The following GNAQ variants were observed in gnomAD, a reference collection of about 807,000 sequenced individuals.
GNAQ encodes the protein G protein subunit alpha q.
A neutral mutation model predicts 43.9 loss-of-function variants in GNAQ; 8 were observed. The observed-to-expected ratio is 0.18, with a 90% CI of 0.11 to 0.33. The LOEUF is 0.33. Among genes scored for constraint, GNAQ ranks in the 10% least tolerant of loss-of-function variants. The probability of loss-of-function intolerance (pLI) is 1.00; values close to 1 mark genes in which losing one functional copy is unlikely to be tolerated. For synonymous variants in GNAQ, 155 were observed against 170.7 expected (o/e 0.91, Z 0.71); for missense variants, 158 against 450.8 (o/e 0.35, Z 5.88).
At chr9:77,836,690 T>C (rs554302255) in intron 2 of GNAQ, among the ~76,000 whole-genome samples, 27 of 152,284 alleles carry the variant, frequency 1.8e-4, no homozygotes, top group African/African-American at 5.3e-4. Flanking sequence ...GAGAAAAGAA[T>C]AGTACTAAAT....
chr9:77,724,294 G>A (rs573050212), intron 6 of GNAQ, among the ~76,000 whole-genome samples: 34 of 152,106 alleles, frequency 2.2e-4, no homozygotes, highest in African/African-American at 7.5e-4. Context: ...GGGTTCAAGC[G>A]AAATCTCCTG....
chr9:77,871,507 A>C (rs1340008461), intron 2 of GNAQ, among the ~76,000 whole-genome samples: 2 of 152,166 alleles, frequency 1.3e-5, no homozygotes, highest in African/African-American at 2.4e-5. Context: ...TTAGGGGTAG[A>C]AAGGTGGGAT....
At chr9:77,988,838 T>C (rs896962216) in intron 1 of GNAQ, among the ~76,000 whole-genome samples, 43 of 152,222 alleles carry the variant, frequency 2.8e-4, no homozygotes, top group African/African-American at 7.7e-4. Context: ...GGGGACTTTT[T>C]TGAAAGCTAA....
At chr9:77,798,236 T>C (rs575104991) in intron 3 of GNAQ, among the ~76,000 whole-genome samples, 1 of 152,266 alleles carries the variant, frequency 6.6e-6, no homozygotes, top group East Asian at 1.9e-4. Flanking sequence ...GGTCAGATAT[T>C]CCCAATGTTT....
At chr9:77,984,567 T>C (rs1210479452) in intron 1 of GNAQ, among the ~76,000 whole-genome samples, 1 of 152,292 alleles carries the variant, frequency 6.6e-6, no homozygotes, top group Non-Finnish European at 1.5e-5. Context: ...ATTCGCATAA[T>C]TTTTGGTTTC....
intron 5 of GNAQ, among the ~76,000 whole-genome samples, chr9:77,784,583 A>G (rs1479354991): frequency 6.6e-6 from 1 of 152,232 alleles, no homozygotes; most frequent in Non-Finnish European, 1.5e-5. Flanking sequence ...ATAAAATATA[A>G]ATGTTATACA....
intron 1 of GNAQ, among the ~76,000 whole-genome samples, chr9:77,950,177 TA>T (rs2118377729): frequency 6.6e-6 from 1 of 152,348 alleles, no homozygotes; most frequent in East Asian, 1.9e-4. Context: ...ATGATTCCAT[TA>T]AGCTCATATT....
chr9:77,987,942 G>A (rs1823462697), intron 1 of GNAQ, among the ~76,000 whole-genome samples: 2 of 152,180 alleles, frequency 1.3e-5, no homozygotes, highest in South Asian at 2.1e-4. Context: ...AGTAGGGGGT[G>A]GTGTTGTGGT....
chr9:77,777,741 T>C (rs966413115), intron 5 of GNAQ, among the ~76,000 whole-genome samples: 49 of 151,870 alleles, frequency 3.2e-4, no homozygotes, highest in African/African-American at 1.2e-3. Flanking sequence ...CCATTAGCCT[T>C]TAGGGAAATA....
intron 3 of GNAQ, among the ~76,000 whole-genome samples, chr9:77,805,304 C>G (rs189361102): frequency 6.6e-6 from 1 of 152,264 alleles, no homozygotes; most frequent in East Asian, 1.9e-4. Context: ...TTGCAGAGAG[C>G]AAATCAACTT....
At chr9:77,763,141 C>CAAACAAACA (rs1462515368) in intron 5 of GNAQ, among the ~76,000 whole-genome samples, 16 of 64,838 alleles carry the variant, frequency 2.5e-4, no homozygotes, top group African/African-American at 4.9e-4. Context: ...AACAAACAAA[C>CAAACAAACA]AAAAAAAAAA....
chr9:77,970,835 A>C (rs1823228643), intron 1 of GNAQ, among the ~76,000 whole-genome samples: 1 of 152,174 alleles, frequency 6.6e-6, no homozygotes, highest in Admixed American at 6.5e-5. Flanking sequence ...TTTCAAAAAA[A>C]ATCAATGAAT....
chr9:77,864,669 A>T lies in GNAQ; in HGVS notation c.322-48899T>A, dbSNP rs191203287. 5.3e-3 allele frequency among the ~76,000 whole-genome samples: 804 copies of T among 152,334 alleles called. 3 individuals are homozygous for T. Among genetic ancestry groups the T allele is most frequent in the Non-Finnish European group, 8.3e-3 (562 of 68,020 alleles). The stretch of plus-strand genomic sequence containing the variant: ...CCTAGAGCCTCCAAGAAAAGAATGT[A>T]GCCCCAGTGACACTTGGGTTTTGAC... On this transcript the variant is annotated intron_variant, in intron 2 of 6. Coordinates refer to ENST00000286548, the MANE Select transcript of GNAQ (RefSeq NM_002072.5).
intron 1 of GNAQ, among the ~76,000 whole-genome samples, chr9:77,956,559 G>A (rs990389743): frequency 6.6e-6 from 1 of 152,134 alleles, no homozygotes; most frequent in Admixed American, 6.6e-5. Flanking sequence ...AACCCTCTTG[G>A]ATTAGCACTG....
intron 1 of GNAQ, among the ~76,000 whole-genome samples, chr9:77,950,241 G>C (rs1391756349): frequency 1.3e-5 from 2 of 152,102 alleles, no homozygotes; most frequent in Non-Finnish European, 2.9e-5. Context: ...CCTTACAAAG[G>C]GAATCTCCCA....
At chr9:77,828,897 TGA>T (rs1827251107) in intron 2 of GNAQ, among the ~76,000 whole-genome samples, 1 of 152,252 alleles carries the variant, frequency 6.6e-6, no homozygotes, top group Admixed American at 6.5e-5. Context: ...CTTGCCCTTA[TGA>T]TTACACATTC....
At chr9:78,025,994 G>A (rs906237922) in intron 1 of GNAQ, among the ~76,000 whole-genome samples, 21 of 152,022 alleles carry the variant, frequency 1.4e-4, no homozygotes, top group Admixed American at 4.6e-4. Context: ...AATAAAAATC[G>A]TAACTGTTTT....
intron 5 of GNAQ, among the ~76,000 whole-genome samples, chr9:77,754,795 C>A (rs1825872400): frequency 6.6e-6 from 1 of 152,098 alleles, no homozygotes; most frequent in Non-Finnish European, 1.5e-5. Flanking sequence ...ATTAGCACAG[C>A]CACTATGGAG....
At chr9:77,904,885 AAC>A (rs374079699) in intron 2 of GNAQ, among the ~76,000 whole-genome samples, 5 of 151,910 alleles carry the variant, frequency 3.3e-5, no homozygotes, top group African/African-American at 7.2e-5. Flanking sequence ...CACACGAAGA[AAC>A]ACACACACAC....
Sources: gnomAD v4.1 joint callset for allele counts (sites outside exome capture counted in the v4.1 genomes callset) on GRCh38, gnomAD v4.1.1 for gene constraint, MANE v1.5 for transcripts, NCBI Gene and HGNC (gene_info 2026-07-23, HGNC 2026-07-21) for gene names.